The following NRAP variants were observed in gnomAD, a reference collection of about 807,000 sequenced individuals.
NRAP encodes nebulin related anchoring protein.
NRAP carries 189 observed loss-of-function variants against 225.9 expected under a neutral mutation model. The observed-to-expected ratio is 0.84, with a 90% CI of 0.74 to 0.94. The LOEUF (loss-of-function observed/expected upper bound fraction) is 0.94. Among genes scored for constraint, NRAP ranks in the 40% least tolerant of loss-of-function variants. The pLI is 0.00. For synonymous variants in NRAP, 769 were observed against 790.7 expected, an observed-to-expected ratio of 0.97 and a Z score of 0.46; for missense variants, 2,176 against 2,168.7, an observed-to-expected ratio of 1.00 and a Z score of -0.07.
At chr10:113,644,764 C>A (rs2134116902) in intron 11 of NRAP, among the ~76,000 whole-genome samples, 1 of 152,262 alleles carries the variant, frequency 6.6e-6, no homozygotes, top group African/African-American at 2.4e-5. Flanking sequence ...GGGTAAAGGA[C>A]CAGCTTTTAG....
chr10:113,660,951 T>C (rs542944777), intron 3 of NRAP, among the ~76,000 whole-genome samples: 10 of 152,250 alleles, frequency 6.6e-5, no homozygotes, highest in African/African-American at 2.4e-4. Context: ...TATAACACAA[T>C]AATATTACAG....
At chr10:113,594,677 A>G (rs1016572337) in intron 38 of NRAP, among the ~76,000 whole-genome samples, 3 of 152,236 alleles carry the variant, frequency 2.0e-5, no homozygotes, top group Admixed American at 6.5e-5. Flanking sequence ...TGGTCATAAT[A>G]ACTCATATTT....
intron 38 of NRAP, among the ~76,000 whole-genome samples, chr10:113,595,165 A>G (rs1846218424): frequency 6.6e-6 from 1 of 152,126 alleles, no homozygotes; most frequent in South Asian, 2.1e-4. Flanking sequence ...AGCGAGCTGC[A>G]TTTGGACGGG....
chr10:113,646,695 T>C (rs1849531591), intron 10 of NRAP, among the ~76,000 whole-genome samples: 1 of 152,238 alleles, frequency 6.6e-6, no homozygotes, highest in African/African-American at 2.4e-5. Context: ...CCTCTGTACT[T>C]GCTTCAATGG....
At chr10:113,650,986 G>A (rs1259993260) in intron 7 of NRAP, among the ~76,000 whole-genome samples, 2 of 152,218 alleles carry the variant, frequency 1.3e-5, no homozygotes, top group East Asian at 3.8e-4. Flanking sequence ...ATCTTATTAT[G>A]CTGTGCAACA....
chr10:113,632,926 T>C (rs1848653456), intron 16 of NRAP, among the ~76,000 whole-genome samples, 158 bp downstream of exon 16: 3 of 152,206 alleles, frequency 2.0e-5, no homozygotes, highest in Non-Finnish European at 1.5e-5. Flanking sequence ...AACTACAACG[T>C]GCCATGACAT....
At chr10:113,633,831 A>C (rs552161019) in intron 15 of NRAP, among the ~76,000 whole-genome samples, 47 of 152,346 alleles carry the variant, frequency 3.1e-4, no homozygotes, top group Middle Eastern at 3.4e-3. Flanking sequence ...GAAGAGGAGA[A>C]TTGGACAGGC....
At chr10:113,619,972 G>A (rs1056027776) in intron 25 of NRAP, among the ~76,000 whole-genome samples, 1 of 152,094 alleles carries the variant, frequency 6.6e-6, no homozygotes, top group Non-Finnish European at 1.5e-5. Flanking sequence ...CATCCTGCGG[G>A]GCACAGGATA....
intron 22 of NRAP, 54 bp from the exon 23 acceptor site, chr10:113,623,690 C>T (rs1456019486): frequency 8.9e-6 from 10 of 1,126,748 alleles, no homozygotes; most frequent in South Asian, 7.8e-5. Context: ...AGGGTTCTCA[C>T]GTGAGAGCAT....
chr10:113,598,810 C>T (rs1846435354), intron 35 of NRAP, among the ~76,000 whole-genome samples: 2 of 152,198 alleles, frequency 1.3e-5, no homozygotes, highest in Non-Finnish European at 2.9e-5. Context: ...TGTTTATATT[C>T]CAAAAATAGG....
At position 113,647,523 on chromosome 10, in the gene NRAP, C is replaced by T. The variant is rs111652279; in HGVS notation, c.889-496G>A. ...CCTCCCCAAGTGGTACTGTCTCCCC[C>T]GGTGGTACTGTCTCCCCCGGTGGTA... On this transcript the variant is annotated intron_variant, in intron 9 of 41. Transcript: ENST00000359988. Among the ~76,000 whole-genome samples the T allele has an allele frequency of 6.5e-4, 57 of 87,264 alleles. 2 individuals carry two copies. Among genetic ancestry groups the T allele is most frequent in the East Asian group, 4.0e-3 (9 of 2,242 alleles). The allele number at this position is 87,264 out of a possible 152,430, so 57.2% of individuals were successfully genotyped here.
rs765822591 is a variant in NRAP, at chr10:113,657,465, C to T, written c.360+5G>A. On this transcript the variant is annotated splice_donor_5th_base_variant and intron_variant, in intron 4 of 41. Coordinates refer to ENST00000359988, the MANE Select transcript of NRAP (RefSeq NM_198060.4). Reference sequence around the variant, plus strand: ...TTCCAAACCCACTTGTCACTTTTCTCTCACCTCATTTGCCAGTGGCTGCCT... The same window carrying T: ...TTCCAAACCCACTTGTCACTTTTCTTTCACCTCATTTGCCAGTGGCTGCCT... 3 of 1,463,678 alleles carry T rather than the reference C, an allele frequency of 2.0e-6. No individual in the cohort carries two copies. In the South Asian group the frequency reaches 3.4e-5, roughly 17 times the overall value. The allele number at this position is 1,463,678 out of a possible 1,614,324, so 90.7% of individuals were successfully genotyped here.
intron 20 of NRAP, among the ~76,000 whole-genome samples, chr10:113,627,500 G>C (rs1848350853): frequency 6.6e-6 from 1 of 152,184 alleles, no homozygotes; most frequent in African/African-American, 2.4e-5. Context: ...CTACACCCCT[G>C]TCCAAGACAG....
rs531862286 is a variant in NRAP, at chr10:113,645,207, C to T, written c.1110+618G>A. Among the ~76,000 whole-genome samples the T allele has an allele frequency of 7.2e-5, 11 of 152,250 alleles. 1 individual carries two copies. The South Asian group carries it at 2.3e-3, about 32-fold the overall frequency. On this transcript the variant is annotated intron_variant, in intron 11 of 41. Coordinates refer to ENST00000359988, the MANE Select transcript of NRAP (RefSeq NM_198060.4). Reference sequence around the variant, plus strand: ...TTTGATTTGTTTAAAAAGATGGATCCTCCAGTATTCTTTCTGGCAACTAGA... The same window carrying T: ...TTTGATTTGTTTAAAAAGATGGATCTTCCAGTATTCTTTCTGGCAACTAGA...
At position 113,626,220 on chromosome 10, in the gene NRAP, C is replaced by T. The variant is rs538702515; in HGVS notation, c.2146-75G>A. 149 of 859,378 alleles carry T rather than the reference C, an allele frequency of 1.7e-4. No individual in the cohort carries two copies. In the African/African-American group the frequency reaches 2.3e-3, roughly 14 times the overall value. The allele number at this position is 859,378 out of a possible 1,614,324, so 53.2% of individuals were successfully genotyped here. On this transcript the variant is annotated intron_variant, in intron 20 of 41. Coordinates refer to ENST00000359988, the MANE Select transcript of NRAP (RefSeq NM_198060.4). The stretch of plus-strand genomic sequence containing the variant: ...ACCACCCTACTCATGTGCCCCCACA[C>T]ACACACACATTCTTTCTGTGGTCCA...
chr10:113,592,234 G>A lies in NRAP; in HGVS notation c.4604C>T (p.Pro1535Leu), dbSNP rs921144685. The A allele has an allele frequency of 6.2e-7, 1 of 1,612,212 alleles. No individual in the cohort carries two copies. The highest frequency in any genetic ancestry group is 1.1e-5 in the South Asian group (1 of 90,690). The change falls in exon 39 of 42, where the codon CCC becomes CTC. Residue 1535 changes from proline to leucine, a missense_variant. Physicochemically the swap from Pro to Leu is moderately conservative, Grantham distance 98. Transcript: ENST00000359988. ...GSYDFRLDAI[P>L]FQTARASREI... Reference sequence around the variant, plus strand: ...CCTAGATGCCCGGGCAGTCTGGAAGGGGATGGCATCCAGCCTGAAGTCATA... The same window carrying A: ...CCTAGATGCCCGGGCAGTCTGGAAGAGGATGGCATCCAGCCTGAAGTCATA...
intron 34 of NRAP, 95 bp downstream of exon 34, chr10:113,605,667 G>T: frequency 1.2e-6 from 1 of 805,468 alleles, no homozygotes; most frequent in Non-Finnish European, 2.2e-6. Context: ...CATGGTTATA[G>T]ATTTGCTTTA....
rs576094529 is a variant in NRAP at position 113,638,171 on chromosome 10, A to G, written c.1428+2056T>C. Among the ~76,000 whole-genome samples the G allele has an allele frequency of 3.9e-5, 6 of 152,324 alleles. No individual in the cohort carries two copies. The South Asian group carries it at 6.2e-4, about 16-fold the overall frequency. ...TGCATGATAAAATGTCACAAATACTATATTTTTAAATGGCATATTTCTTCC... is the reference window on the plus strand; with the variant it reads ...TGCATGATAAAATGTCACAAATACTGTATTTTTAAATGGCATATTTCTTCC... On this transcript the variant is annotated intron_variant, in intron 14 of 41. Coordinates refer to ENST00000359988, the MANE Select transcript of NRAP (RefSeq NM_198060.4).
At chr10:113,597,008 GCCTGTGTTCTTAGA>G in intron 37 of NRAP, 64 bp downstream of exon 37, 1 of 933,582 alleles carries the variant, frequency 1.1e-6, no homozygotes, top group Non-Finnish European at 1.8e-6. Flanking sequence ...TCTGTCCAGA[GCCTGTGTTCTTAGA>G]CCCGGACCAC....
Sources: gnomAD v4.1 joint callset for allele counts (sites outside exome capture counted in the v4.1 genomes callset) on GRCh38, gnomAD v4.1.1 for gene constraint, MANE v1.5 for transcripts, NCBI Gene and HGNC (gene_info 2026-07-23, HGNC 2026-07-21) for gene names.